TEX9: variants seen among roughly 807,000 people sequenced by gnomAD.
TEX9 encodes the protein testis-expressed protein 9.
TEX9 carries 74 observed loss-of-function variants against 59.6 expected under a neutral mutation model. That is an observed-to-expected ratio of 1.24 (90% CI 1.03 to 1.51). The LOEUF is 1.51. Ranked by LOEUF, TEX9 falls within the 40% of genes most tolerant of loss-of-function variation. TEX9 has a pLI of 0.00. For missense variants in TEX9, 522 were observed against 447.8 expected (o/e 1.17, Z -1.49); for synonymous variants, 186 against 152.2 (o/e 1.22, Z -1.64).
At chr15:56,387,123 AC>A (rs1342428010) in intron 4 of TEX9, among the ~76,000 whole-genome samples, 1 of 151,958 alleles carries the variant, frequency 6.6e-6, no homozygotes, top group Non-Finnish European at 1.5e-5. Flanking sequence ...CCATCATATT[AC>A]AAACAGACAT....
rs1267663550 is a variant in TEX9, at chr15:56,407,543, G to A, written c.829-4759G>A. Among the ~76,000 whole-genome samples the A allele has an allele frequency of 2.6e-5, 4 of 152,074 alleles. No homozygotes were observed. The East Asian group carries it at 5.8e-4, about 22-fold the overall frequency. On this transcript the variant is annotated intron_variant, in intron 9 of 12. Transcript: ENST00000352903. ...ATTATATTTATAATACCTGTATGAT[G>A]TGTAATAATGGCCCCTCTTTCATTT...
At chr15:56,452,715 T>C in the TEX9 span, among the ~76,000 whole-genome samples, 2 of 152,014 alleles carry the variant, frequency 1.3e-5, no homozygotes, top group African/African-American at 4.8e-5. Flanking sequence ...AGACGCGGTT[T>C]CACCGTGTTA....
intron 3 of TEX9, among the ~76,000 whole-genome samples, chr15:56,376,460 A>G (rs117379966): frequency 0.07 from 10,642 of 152,144 alleles, 469 homozygotes; most frequent in Non-Finnish European, 0.1. Flanking sequence ...ATTTTATCAG[A>G]GTTGAGATGA....
chr15:56,273,492 A>G (rs1458137418), intron 1 of TEX9, among the ~76,000 whole-genome samples: 1 of 152,218 alleles, frequency 6.6e-6, no homozygotes, highest in Non-Finnish European at 1.5e-5. Flanking sequence ...GTAAACCCAA[A>G]GTAGTCTTTC....
intron 1 of TEX9, among the ~76,000 whole-genome samples, chr15:56,339,963 G>A (rs577041088): frequency 6.6e-6 from 1 of 152,108 alleles, no homozygotes; most frequent in East Asian, 1.9e-4. Context: ...TCAGTCTGTG[G>A]TATTTTGTTA....
chr15:56,351,426 A>C (rs2046576950), intron 1 of TEX9, among the ~76,000 whole-genome samples: 1 of 152,236 alleles, frequency 6.6e-6, no homozygotes, highest in African/African-American at 2.4e-5. Context: ...AAAACCTCTC[A>C]GTTTGCCCTC....
At chr15:56,442,333 A>T (rs2050829650) in intron 12 of TEX9, among the ~76,000 whole-genome samples, 1 of 152,158 alleles carries the variant, frequency 6.6e-6, no homozygotes, top group Admixed American at 6.5e-5. Flanking sequence ...CTCCCCAAAA[A>T]ATGAAAACAG....
intron 1 of TEX9, among the ~76,000 whole-genome samples, chr15:56,327,938 C>A (rs142618404): frequency 6.6e-6 from 1 of 152,006 alleles, no homozygotes; most frequent in Non-Finnish European, 1.5e-5. Context: ...TTAGGCAAGT[C>A]GTAGTGCTGA....
chr15:56,337,017 G>T (rs1192671153), intron 1 of TEX9, among the ~76,000 whole-genome samples: 8 of 152,230 alleles, frequency 5.3e-5, no homozygotes, highest in Admixed American at 5.2e-4. Flanking sequence ...ATAGTCTACC[G>T]CTTGTACAGC....
At chr15:56,327,755 A>G (rs2046052864) in intron 1 of TEX9, among the ~76,000 whole-genome samples, 2 of 152,182 alleles carry the variant, frequency 1.3e-5, no homozygotes, top group Admixed American at 1.3e-4. Flanking sequence ...AACACTGGGG[A>G]GAACTCAGCC....
chr15:56,443,135 CTG>C (rs2050847670), intron 12 of TEX9, among the ~76,000 whole-genome samples: 1 of 152,132 alleles, frequency 6.6e-6, no homozygotes, highest in Admixed American at 6.5e-5. Flanking sequence ...TGACTAGTGT[CTG>C]TATGTTACGT....
intron 1 of TEX9, among the ~76,000 whole-genome samples, chr15:56,248,188 G>A (rs1354975920): frequency 6.6e-6 from 1 of 152,170 alleles, no homozygotes; most frequent in Non-Finnish European, 1.5e-5. Context: ...AATAAAAGCA[G>A]CAGCAAGATT....
Position 56,391,266 on chromosome 15 carries a change from TC to T in TEX9, c.421del (p.Gln141LysfsTer37). The stretch of plus-strand genomic sequence containing the variant: ...AGTGTTAAATTGAAATACTCTGATG[TC>T]CAAACTGCCGACGATGTTGCCATTC... On this transcript the variant is annotated frameshift_variant, in exon 7 of 13. Transcript: ENST00000352903. LOFTEE classifies it high-confidence loss of function. 1 of 1,576,206 alleles carries T rather than the reference TC, an allele frequency of 6.3e-7. No individual in the cohort carries two copies. The highest frequency in any genetic ancestry group is 8.6e-7 in the Non-Finnish European group (1 of 1,165,706).
chr15:56,321,242 C>T (rs1383964201), intron 1 of TEX9, among the ~76,000 whole-genome samples: 1 of 152,216 alleles, frequency 6.6e-6, no homozygotes, highest in Middle Eastern at 3.4e-3. Context: ...TTTAAACCCC[C>T]TTGTCCCAGG....
intron 2 of TEX9, chr15:56,365,978 G>C (rs1420678397): frequency 1.0e-5 from 10 of 952,542 alleles, no homozygotes; most frequent in Admixed American, 4.5e-5. Context: ...GAATTGCCAC[G>C]AATAGTTAGT....
chr15:56,349,503 A>G (rs575286463), intron 1 of TEX9, among the ~76,000 whole-genome samples: 1 of 152,228 alleles, frequency 6.6e-6, no homozygotes, highest in South Asian at 2.1e-4. Flanking sequence ...CTGAAAGACT[A>G]TGGGTTTTCT....
intron 2 of TEX9, among the ~76,000 whole-genome samples, chr15:56,367,243 A>G (rs1466012235): frequency 6.6e-6 from 1 of 152,078 alleles, no homozygotes; most frequent in Non-Finnish European, 1.5e-5. Context: ...AGTTGTGCAC[A>G]TCTGAAGCAT....
intron 9 of TEX9, chr15:56,409,725 C>G (rs79032607): frequency 6.6e-6 from 1 of 152,244 alleles, no homozygotes; most frequent in Non-Finnish European, 1.5e-5. Flanking sequence ...TGGTCTCGAA[C>G]TCCTGGGTTC....
chr15:56,416,597 T>A (rs1253177019), intron 10 of TEX9, among the ~76,000 whole-genome samples: 1 of 151,948 alleles, frequency 6.6e-6, no homozygotes, highest in Non-Finnish European at 1.5e-5. Flanking sequence ...GATTTGCTCC[T>A]GGATTTGGTT....
Sources: gnomAD v4.1 joint callset for allele counts (sites outside exome capture counted in the v4.1 genomes callset) on GRCh38, gnomAD v4.1.1 for gene constraint, MANE v1.5 for transcripts, NCBI Gene and HGNC (gene_info 2026-07-23, HGNC 2026-07-21) for gene names.